Variants in CTNNA3 observed in about 807,000 individuals in gnomAD.
CTNNA3 encodes the protein catenin alpha-3.
Under a neutral mutation model 95.7 loss-of-function variants are expected in CTNNA3, and 76 were observed. The ratio of observed to expected loss-of-function variants is 0.79; its 90% CI spans 0.66 to 0.96. CTNNA3 has a LOEUF of 0.96. Among genes scored for constraint, CTNNA3 ranks in the 40% least tolerant of loss-of-function variants. CTNNA3 has a pLI of 0.00. For synonymous variants in CTNNA3, 431 were observed against 374.4 expected (o/e 1.15, Z -1.74); for missense variants, 1,191 against 1,089.8 (o/e 1.09, Z -1.31).
intron 9 of CTNNA3, among the ~76,000 whole-genome samples, chr10:66,725,969 T>C (rs1215570694): frequency 6.6e-6 from 1 of 152,098 alleles, no homozygotes; most frequent in African/African-American, 2.4e-5. Flanking sequence ...CATATACTTA[T>C]CAATATCATT....
intron 7 of CTNNA3, among the ~76,000 whole-genome samples, chr10:66,898,575 A>T (rs1845596322): frequency 6.6e-6 from 1 of 152,196 alleles, no homozygotes; most frequent in African/African-American, 2.4e-5. Context: ...TGAGTGCCAA[A>T]AAATACACAA....
intron 15 of CTNNA3, among the ~76,000 whole-genome samples, chr10:66,023,008 T>C (rs963729170): frequency 6.6e-6 from 1 of 152,194 alleles, no homozygotes; most frequent in African/African-American, 2.4e-5. Flanking sequence ...TATCAACCCA[T>C]ATCCAGTTAT....
intron 12 of CTNNA3, among the ~76,000 whole-genome samples, chr10:66,358,958 G>T (rs1481399064): frequency 1.3e-5 from 2 of 151,904 alleles, no homozygotes; most frequent in Admixed American, 6.6e-5. Context: ...ACATATTCCT[G>T]CCTTGTTTTA....
At chr10:65,974,320 G>C (rs942140813) in intron 16 of CTNNA3, among the ~76,000 whole-genome samples, 3 of 152,096 alleles carry the variant, frequency 2.0e-5, no homozygotes, top group Admixed American at 6.6e-5. Context: ...TATTCACAAA[G>C]CAAGGACACG....
At chr10:67,366,871 A>T in intron 5 of CTNNA3, among the ~76,000 whole-genome samples, 1 of 152,180 alleles carries the variant, frequency 6.6e-6, no homozygotes, top group East Asian at 1.9e-4. Flanking sequence ...CTCAAGATGG[A>T]TTAAACTATC....
chr10:66,770,645 G>A (rs979286583), intron 8 of CTNNA3, among the ~76,000 whole-genome samples: 106 of 152,000 alleles, frequency 7.0e-4, no homozygotes, highest in African/African-American at 2.5e-3. Flanking sequence ...CACTACAATT[G>A]AAGCCCAAAG....
At chr10:67,143,423 C>T (rs1004996967) in intron 7 of CTNNA3, among the ~76,000 whole-genome samples, 5 of 28,260 alleles carry the variant, frequency 1.8e-4, no homozygotes, top group South Asian at 1.1e-3. Context: ...AAGGCTCTGT[C>T]TTAAAAAAAA....
intron 13 of CTNNA3, among the ~76,000 whole-genome samples, chr10:66,194,936 A>G (rs1271584893): frequency 1.3e-5 from 2 of 152,226 alleles, no homozygotes; most frequent in South Asian, 4.1e-4. Context: ...CAAAGGAATG[A>G]ACTTTGTTCT....
chr10:67,180,380 A>T lies in CTNNA3; in HGVS notation c.984T>A (p.Ile328=), dbSNP rs1862468802. The change falls in exon 7 of 18, where the codon ATT becomes ATA. Residue 328 remains isoleucine (I), a synonymous_variant. Coordinates refer to ENST00000433211, the MANE Select transcript of CTNNA3 (RefSeq NM_013266.4). ...GGCGAATGGCGTTGCATTCTGCGAT[A>T]ATCCGCTCTCGGTGTAAGTCCCTCG... The part of the protein sequence containing the change: ...SCTRDLHRER[I]IAECNAIRQA... 6.2e-7 allele frequency: 1 copy of T among 1,613,730 alleles called. No individual in the cohort carries two copies.
rs901078473 is a variant in CTNNA3 at position 66,448,759 on chromosome 10, A to T, written c.1532-69407T>A. On this transcript the variant is annotated intron_variant, in intron 11 of 17. Coordinates refer to ENST00000433211, the MANE Select transcript of CTNNA3 (RefSeq NM_013266.4). ...GAGTTAATGGGTGCAGCACACCAAC[A>T]TGGCACATGTATACATATGTAACAA... is the stretch of plus-strand genomic sequence containing the variant. Among the ~76,000 whole-genome samples the T allele has an allele frequency of 5.3e-5, 8 of 152,282 alleles. No individual in the cohort carries two copies. In the East Asian group the frequency reaches 1.3e-3, roughly 26 times the overall value.
intron 6 of CTNNA3, among the ~76,000 whole-genome samples, chr10:67,194,003 T>G (rs10822999): frequency 6.6e-6 from 1 of 151,820 alleles, no homozygotes. Flanking sequence ...AATACTAGCC[T>G]TTCTGACTGG....
intron 7 of CTNNA3, among the ~76,000 whole-genome samples, chr10:66,956,312 G>A (rs1848789814): frequency 6.6e-6 from 1 of 151,758 alleles, no homozygotes; most frequent in South Asian, 2.1e-4. Flanking sequence ...CCACTGGTAA[G>A]AGTTTTGGGA....
intron 10 of CTNNA3, among the ~76,000 whole-genome samples, chr10:66,522,816 G>T (rs1449720367): frequency 6.6e-6 from 1 of 151,422 alleles, no homozygotes; most frequent in African/African-American, 2.4e-5. Context: ...CAAAAATGTT[G>T]AATTCTATGC....
intron 10 of CTNNA3, among the ~76,000 whole-genome samples, chr10:66,529,455 T>TTTG (rs1841389370): frequency 2.0e-5 from 3 of 150,208 alleles, no homozygotes; most frequent in Admixed American, 1.3e-4. Context: ...TTTTTGTTTT[T>TTTG]TTTTTTTAAT....
chr10:67,746,572 GC>G (rs1287333087), intron 1 of CTNNA3, among the ~76,000 whole-genome samples: 2 of 152,170 alleles, frequency 1.3e-5, no homozygotes, highest in African/African-American at 4.8e-5. Flanking sequence ...TGGTGCCTCA[GC>G]CCACCTGACA....
At chr10:67,397,374 T>C (rs1460720859) in intron 5 of CTNNA3, among the ~76,000 whole-genome samples, 1 of 152,198 alleles carries the variant, frequency 6.6e-6, no homozygotes, top group Non-Finnish European at 1.5e-5. Context: ...CAAAGGTGAC[T>C]CTTGTCATTC....
At chr10:67,174,198 C>CT (rs1862141678) in intron 7 of CTNNA3, among the ~76,000 whole-genome samples, 1 of 152,158 alleles carries the variant, frequency 6.6e-6, no homozygotes, top group African/African-American at 2.4e-5. Flanking sequence ...TGGCTGCCTA[C>CT]TTTTTATTAT....
At chr10:66,684,812 AAT>A (rs1847191001) in intron 9 of CTNNA3, among the ~76,000 whole-genome samples, 1 of 152,172 alleles carries the variant, frequency 6.6e-6, no homozygotes, top group Non-Finnish European at 1.5e-5. Flanking sequence ...TGATGCTGAA[AAT>A]AGAATGTTGG....
intron 5 of CTNNA3, among the ~76,000 whole-genome samples, chr10:67,254,602 C>T (rs534399088): frequency 2.6e-5 from 4 of 152,284 alleles, no homozygotes; most frequent in African/African-American, 9.6e-5. Flanking sequence ...TCATCATGTA[C>T]AACAAAATAA....
Sources: allele counts gnomAD v4.1 joint callset (sites outside exome capture counted in the v4.1 genomes callset), GRCh38; gene constraint gnomAD v4.1.1; transcripts MANE v1.5; gene names NCBI Gene and HGNC (gene_info 2026-07-23, HGNC 2026-07-21).